The following GPRC5D variants were observed in gnomAD, a reference collection of about 807,000 sequenced individuals.
The protein encoded by GPRC5D is G protein-coupled receptor family C group 5 member D.
GPRC5D carries 20 observed loss-of-function variants against 29.3 expected under a neutral mutation model. That is an observed-to-expected ratio of 0.68 (90% CI 0.48 to 0.99). The LOEUF is 0.99. Ranked by LOEUF, GPRC5D falls within the 50% of genes least tolerant of loss-of-function variation. The probability of loss-of-function intolerance (pLI) is 0.00; values close to 1 mark genes in which losing one functional copy is unlikely to be tolerated. For synonymous variants in GPRC5D, 178 were observed against 171.3 expected (o/e 1.04, Z -0.30); for missense variants, 384 against 423.6 (o/e 0.91, Z 0.82).
In GPRC5D at chr12:12,944,833, CCT is replaced by C. The variant is rs1565477223; in HGVS notation, c.896-2507_896-2506del. ...TCCTTCCTTCCTTCCTTCCTTCCTT[CCT>C]TCCTTCCTTCCTTCCTTCTTTCTTT... On this transcript the variant is annotated intron_variant, in intron 1 of 2. Coordinates refer to ENST00000228887, the Ensembl canonical transcript of GPRC5D. Among the ~76,000 whole-genome samples, 112 of 14,302 alleles carry C rather than the reference CCT, an allele frequency of 7.8e-3. 2 individuals are homozygous for C. The highest frequency in any genetic ancestry group is 0.036 in the Middle Eastern group (1 of 28). The allele number at this position is 14,302 out of a possible 152,430, so 9.4% of individuals were successfully genotyped here.
rs897608872 is a variant in GPRC5D at position 12,946,199 on chromosome 12, G to A, written c.895+3291C>T. 7.9e-5 allele frequency among the ~76,000 whole-genome samples: 12 copies of A among 152,182 alleles called. No homozygotes were observed. The East Asian group carries it at 2.3e-3, about 29-fold the overall frequency. ...CCACCCACTATCTTTAGTTGGAGAT[G>A]GAAAACAACAGGACAACCGCCTCTT... On this transcript the variant is annotated intron_variant, in intron 1 of 2. Transcript: ENST00000228887.
exon 1 of GPRC5D, chr12:12,950,296 GCCAGGGACT>G (rs747086188): frequency 6.8e-6 from 11 of 1,612,950 alleles, no homozygotes; most frequent in Non-Finnish European, 9.3e-6. Flanking sequence ...GCCAAGTATG[GCCAGGGACT>G]CCAGAATGAT....
chr12:12,946,524 G>A (rs556441997), intron 1 of GPRC5D, among the ~76,000 whole-genome samples: 27 of 149,436 alleles, frequency 1.8e-4, no homozygotes, highest in Middle Eastern at 3.4e-3. Flanking sequence ...GTGTGATCTC[G>A]GCTCACTGCA....
upstream of GPRC5D, chr12:12,950,454 T>G (rs1863466366): frequency 2.9e-6 from 3 of 1,032,940 alleles, no homozygotes; most frequent in African/African-American, 1.6e-5. Flanking sequence ...TGAGACAAAT[T>G]GACAACTCTG....
intron 1 of GPRC5D, among the ~76,000 whole-genome samples, chr12:12,947,863 G>A (rs182087390): frequency 1.9e-4 from 29 of 152,270 alleles, no homozygotes; most frequent in African/African-American, 6.7e-4. Context: ...CAGCCAATCT[G>A]TATGTTCTTT....
At chr12:12,942,946 T>A (rs1863191698) in intron 1 of GPRC5D, among the ~76,000 whole-genome samples, 1 of 152,160 alleles carries the variant, frequency 6.6e-6, no homozygotes, top group African/African-American at 2.4e-5. Flanking sequence ...TTTTCAACAG[T>A]CCCTTTAGGC....
intron 1 of GPRC5D, 91 bp downstream of exon 2, chr12:12,949,399 A>G: frequency 9.0e-7 from 1 of 1,106,448 alleles, no homozygotes; most frequent in Non-Finnish European, 1.3e-6. Context: ...ATTTTCTTTT[A>G]GTTTCCTCTT....
At chr12:12,942,455 C>A in intron 1 of GPRC5D, 127 bp from the exon 3 acceptor site, 1 of 667,238 alleles carries the variant, frequency 1.5e-6, no homozygotes, top group Non-Finnish European at 2.7e-6. Flanking sequence ...AATTCTGAGG[C>A]TGGGCACGGT....
chr12:12,949,431 T>C (rs1336774298), intron 1 of GPRC5D, 59 bp downstream of exon 2: 3 of 1,443,068 alleles, frequency 2.1e-6, no homozygotes, highest in Non-Finnish European at 1.9e-6. Context: ...CTGCATGATT[T>C]TTCTCCTGCT....
intron 2 of GPRC5D, 107 bp from the exon 4 acceptor site, chr12:12,940,956 G>C: frequency 1.4e-6 from 1 of 715,120 alleles, no homozygotes; most frequent in Non-Finnish European, 2.5e-6. Flanking sequence ...CTGTCACCCA[G>C]GCTGGAGTGC....
chr12:12,943,627 A>T (rs545437805), intron 1 of GPRC5D, among the ~76,000 whole-genome samples: 1 of 151,714 alleles, frequency 6.6e-6, no homozygotes, highest in African/African-American at 2.4e-5. Context: ...CTTTTTACTT[A>T]TTTTTTTTAT....
intron 1 of GPRC5D, among the ~76,000 whole-genome samples, chr12:12,949,127 T>C (rs1363552663): frequency 2.0e-5 from 3 of 152,192 alleles, no homozygotes; most frequent in Non-Finnish European, 4.4e-5. Context: ...GGACTTAACA[T>C]TAGATATCAT....
At chr12:12,942,356 G>A (rs1427297239) in intron 1 of GPRC5D, 28 bp from the exon 3 acceptor site, 1 of 1,504,778 alleles carries the variant, frequency 6.6e-7, no homozygotes, top group Admixed American at 1.7e-5. Flanking sequence ...GAAGGGCTGG[G>A]TTAGTGTCCG....
At chr12:12,946,367 TTTC>T (rs1863339414) in intron 1 of GPRC5D, among the ~76,000 whole-genome samples, 2 of 144,480 alleles carry the variant, frequency 1.4e-5, no homozygotes, top group African/African-American at 5.2e-5. Context: ...CTTTCTTTCT[TTTC>T]TTTCTTTCTT....
rs939834557 is a variant in GPRC5D, at chr12:12,944,027, G to A, written c.896-1699C>T. On this transcript the variant is annotated intron_variant, in intron 1 of 2. Coordinates refer to ENST00000228887, the Ensembl canonical transcript of GPRC5D. ...GGCTTGAGGACCTTGGTTTGGTCTC[G>A]AAGCAGAGTCTCGGAGCCTGGGCAC... 1.1e-4 allele frequency among the ~76,000 whole-genome samples: 17 copies of A among 152,210 alleles called. No homozygotes were observed. The East Asian group carries it at 2.5e-3, about 23-fold the overall frequency.
chr12:12,949,499 G>A (rs752122111), exon 1 of GPRC5D: 8 of 1,612,870 alleles, frequency 5.0e-6, no homozygotes, highest in Non-Finnish European at 6.8e-6. Flanking sequence ...CCTCTGGAGA[G>A]CTCCTGGTTC....
At chr12:12,947,093 C>A (rs1863367410) in intron 1 of GPRC5D, 4 of 152,218 alleles carry the variant, frequency 2.6e-5, no homozygotes, top group Non-Finnish European at 5.9e-5. Flanking sequence ...CCCCAAACTT[C>A]CCACACTTCT....
intron 1 of GPRC5D, among the ~76,000 whole-genome samples, chr12:12,942,856 G>T (rs568079893): frequency 2.6e-5 from 4 of 152,210 alleles, no homozygotes; most frequent in Admixed American, 2.6e-4. Context: ...TAGGAGAAGC[G>T]CATTGGCGTT....
chr12:12,948,656 A>G (rs750008927), intron 1 of GPRC5D: 12 of 153,156 alleles, frequency 7.8e-5, no homozygotes, highest in Non-Finnish European at 1.3e-4. Flanking sequence ...TCAGAAAAGG[A>G]ATTAATGAGT....
Sources: gnomAD v4.1 joint callset for allele counts (sites outside exome capture counted in the v4.1 genomes callset) on GRCh38, gnomAD v4.1.1 for gene constraint, MANE v1.5 for transcripts, NCBI Gene and HGNC (gene_info 2026-07-23, HGNC 2026-07-21) for gene names.